Variants in ACADM observed in about 807,000 individuals in gnomAD.
ACADM encodes medium-chain specific acyl-CoA dehydrogenase, mitochondrial.
In ACADM, 49 loss-of-function variants were observed where a neutral mutation model predicts 58.9. The ratio of observed to expected loss-of-function variants is 0.83; its 90% CI spans 0.66 to 1.06. The LOEUF (loss-of-function observed/expected upper bound fraction) is 1.06, where lower values mean the gene tolerates loss of function less well. Ranked by LOEUF, ACADM falls within the 50% of genes least tolerant of loss-of-function variation. The probability of loss-of-function intolerance (pLI) is 0.00; values close to 1 mark genes in which losing one functional copy is unlikely to be tolerated. For missense variants in ACADM, 496 were observed against 507.0 expected, an observed-to-expected ratio of 0.98 and a Z score of 0.21; for synonymous variants, 160 against 157.7, an observed-to-expected ratio of 1.01 and a Z score of -0.11.
At chr1:75,730,889 CTG>C (rs1371961826) in intron 2 of ACADM, among the ~76,000 whole-genome samples, 3 of 152,026 alleles carry the variant, frequency 2.0e-5, no homozygotes, top group Admixed American at 2.0e-4. Flanking sequence ...AGAAGTAAAG[CTG>C]TGATAGAGAG....
At chr1:75,759,976 A>C (rs1648735176) in intron 10 of ACADM, among the ~76,000 whole-genome samples, 1 of 151,886 alleles carries the variant, frequency 6.6e-6, no homozygotes, top group Non-Finnish European at 1.5e-5. Context: ...TTTCTTCTAG[A>C]AAGTCCCAGC....
intron 5 of ACADM, 94 bp downstream of exon 5, chr1:75,733,722 A>T: frequency 9.6e-7 from 1 of 1,044,480 alleles, no homozygotes; most frequent in Admixed American, 1.7e-5. Flanking sequence ...AAAAAAAAGG[A>T]AAGTCAGTTA....
intron 10 of ACADM, among the ~76,000 whole-genome samples, chr1:75,756,500 AC>A (rs1280410502): frequency 6.6e-6 from 1 of 152,236 alleles, no homozygotes; most frequent in Non-Finnish European, 1.5e-5. Flanking sequence ...AATACAACTT[AC>A]AAGGGATGTG....
chr1:75,730,467 A>G (rs1274456674), intron 2 of ACADM, among the ~76,000 whole-genome samples: 1 of 152,172 alleles, frequency 6.6e-6, no homozygotes, highest in Non-Finnish European at 1.5e-5. Flanking sequence ...TGCTGTATTT[A>G]AAGCCCCTAG....
intron 7 of ACADM, chr1:75,744,242 G>T: frequency 6.3e-7 from 1 of 1,596,596 alleles, no homozygotes; most frequent in East Asian, 2.2e-5. Flanking sequence ...GTGGGTATGG[G>T]TGCTGCATGG....
chr1:75,760,520 G>GAAA (rs1648774878), intron 10 of ACADM, among the ~76,000 whole-genome samples: 1 of 86,842 alleles, frequency 1.2e-5, no homozygotes, highest in Non-Finnish European at 2.1e-5. Flanking sequence ...ATTCCAGCCT[G>GAAA]GAAAACAAAG....
intron 6 of ACADM, among the ~76,000 whole-genome samples, chr1:75,738,686 C>T (rs2100385855): frequency 6.6e-6 from 1 of 152,236 alleles, no homozygotes; most frequent in African/African-American, 2.4e-5. Flanking sequence ...CTCAAGCGAT[C>T]CTCCCATCTC....
chr1:75,748,265 C>T (rs1013494636), intron 8 of ACADM, among the ~76,000 whole-genome samples: 2 of 152,126 alleles, frequency 1.3e-5, no homozygotes, highest in African/African-American at 4.8e-5. Context: ...TGTATAAGTA[C>T]TTACATGCCT....
At chr1:75,736,015 A>C (rs558139522) in intron 6 of ACADM, among the ~76,000 whole-genome samples, 2 of 152,242 alleles carry the variant, frequency 1.3e-5, no homozygotes, top group Admixed American at 1.3e-4. Context: ...AAATAAATAA[A>C]AATTAATGTG....
Position 75,761,136 on chromosome 1 carries a change from A to G in ACADM, c.960A>G (p.Ser320=), listed in dbSNP as rs138728545. 4.3e-6 allele frequency: 7 copies of G among 1,613,770 alleles called. No individual in the cohort carries two copies. In the African/African-American group the frequency reaches 5.3e-5, roughly 12 times the overall value. Residue 320 remains serine, a synonymous_variant, in exon 11 of 12, where the codon TCA becomes TCG. Transcript: ENST00000370841. The part of the protein sequence containing the change: ...GKLLVEHQAI[S]FMLAEMAMKV... ...TTTAATTCTAGCACCAAGCAATATC[A>G]TTTATGCTGGCTGAAATGGCAATGA...
At chr1:75,755,424 A>G (rs566159086) in intron 10 of ACADM, among the ~76,000 whole-genome samples, 19 of 152,304 alleles carry the variant, frequency 1.2e-4, no homozygotes, top group Non-Finnish European at 2.4e-4. Context: ...CAGAGGAACA[A>G]TCAGGCAGCA....
At chr1:75,740,449 A>G (rs1647506963) in intron 7 of ACADM, among the ~76,000 whole-genome samples, 2 of 152,162 alleles carry the variant, frequency 1.3e-5, no homozygotes, top group African/African-American at 2.4e-5. Flanking sequence ...CTAAAACCCT[A>G]AGGAAAAAGG....
At position 75,741,978 on chromosome 1, in the gene ACADM, A is replaced by G. The variant is rs182697764; in HGVS notation, c.599+1868A>G. On this transcript the variant is annotated intron_variant, in intron 7 of 11. Coordinates refer to ENST00000370841, the MANE Select transcript of ACADM (RefSeq NM_000016.6). ...AAAACACTGACTTGCTGCATAAAGA[A>G]ACAGTAGTTGGAACATATGGATCTC... Among the ~76,000 whole-genome samples, 6 of 152,374 alleles carry G rather than the reference A, an allele frequency of 3.9e-5. No homozygotes were observed. In the East Asian group the frequency reaches 1.2e-3, roughly 29 times the overall value.
chr1:75,740,719 T>A (rs1458557477), intron 7 of ACADM, among the ~76,000 whole-genome samples: 1 of 152,184 alleles, frequency 6.6e-6, no homozygotes, highest in Non-Finnish European at 1.5e-5. Flanking sequence ...GAATCAATAG[T>A]ATGAGCCTTT....
At chr1:75,725,034 C>T (rs549331335) in intron 1 of ACADM, among the ~76,000 whole-genome samples, 3 of 152,126 alleles carry the variant, frequency 2.0e-5, no homozygotes, top group Admixed American at 6.5e-5. Flanking sequence ...TCAGGCGACC[C>T]CGTTATAGCC....
chr1:75,735,044 G>A (rs1647218354), intron 6 of ACADM, among the ~76,000 whole-genome samples, 173 bp downstream of exon 6: 1 of 152,132 alleles, frequency 6.6e-6, no homozygotes, highest in Non-Finnish European at 1.5e-5. Context: ...AATAGGCCGA[G>A]GGCAATGGCT....
chr1:75,725,197 T>A (rs575673905), intron 1 of ACADM, among the ~76,000 whole-genome samples: 1 of 152,062 alleles, frequency 6.6e-6, no homozygotes, highest in South Asian at 2.1e-4. Context: ...AAATACTTAA[T>A]GTTTAATAAG....
intron 5 of ACADM, among the ~76,000 whole-genome samples, chr1:75,733,851 C>T (rs917598434): frequency 2.6e-5 from 4 of 152,154 alleles, no homozygotes; most frequent in African/African-American, 7.2e-5. Context: ...CTCTAGTACT[C>T]GGAGTTCTGA....
At chr1:75,737,491 AC>A (rs781189525) in intron 6 of ACADM, among the ~76,000 whole-genome samples, 3 of 151,688 alleles carry the variant, frequency 2.0e-5, no homozygotes, top group Admixed American at 1.3e-4. Context: ...GGAAAAAAAT[AC>A]CTTAAAGGTG....
Sources: gnomAD v4.1 joint callset for allele counts (sites outside exome capture counted in the v4.1 genomes callset) on GRCh38, gnomAD v4.1.1 for gene constraint, MANE v1.5 for transcripts, NCBI Gene and HGNC (gene_info 2026-07-23, HGNC 2026-07-21) for gene names.